Variants in YEATS2 observed in about 807,000 individuals in gnomAD.
YEATS2 encodes the protein YEATS domain containing 2, also known as YEATS domain-containing protein 2.
YEATS2 carries 77 observed loss-of-function variants against 163.2 expected under a neutral mutation model. The ratio of observed to expected loss-of-function variants is 0.47; its 90% CI spans 0.39 to 0.57. The LOEUF (loss-of-function observed/expected upper bound fraction) is 0.57. YEATS2 is among the 20% of genes least tolerant of loss of function. The probability of loss-of-function intolerance (pLI) is 0.00; values close to 1 mark genes in which losing one functional copy is unlikely to be tolerated. For synonymous variants in YEATS2, 631 were observed against 645.1 expected (o/e 0.98, Z 0.33); for missense variants, 1,549 against 1,729.8 (o/e 0.90, Z 1.85).
intron 9 of YEATS2, among the ~76,000 whole-genome samples, chr3:183,750,198 G>A (rs262953): frequency 0.72 from 109,727 of 152,132 alleles, 40,877 homozygotes; most frequent in East Asian, 0.96. Context: ...GGCTCAAGCT[G>A]TCCGCCTGCC....
At chr3:183,724,104 T>C (rs773519791) in intron 5 of YEATS2, among the ~76,000 whole-genome samples, 3 of 152,238 alleles carry the variant, frequency 2.0e-5, no homozygotes, top group Non-Finnish European at 2.9e-5. Context: ...CTTTCTCTCT[T>C]TCTATTCCTG....
intron 3 of YEATS2, 25 bp downstream of exon 3, chr3:183,717,773 A>G (rs759514214): frequency 7.2e-7 from 1 of 1,395,356 alleles, no homozygotes; most frequent in African/African-American, 1.5e-5. Context: ...AATTGAAATA[A>G]ACACCAAAGC....
chr3:183,727,800 A>G (rs1002399823), intron 6 of YEATS2, among the ~76,000 whole-genome samples: 9 of 152,202 alleles, frequency 5.9e-5, no homozygotes, highest in African/African-American at 1.9e-4. Flanking sequence ...CTTCTTGGCA[A>G]CCATGAGAGT....
intron 12 of YEATS2, among the ~76,000 whole-genome samples, chr3:183,758,366 A>AAAATAAT (rs1553872605): frequency 6.0e-5 from 9 of 151,180 alleles, no homozygotes; most frequent in Non-Finnish European, 5.9e-5. Flanking sequence ...CAGGAAAAAA[A>AAAATAAT]AATAATAATG....
At position 183,781,746 on chromosome 3, in the gene YEATS2, AAAG is replaced by A. The variant is rs1261192842; in HGVS notation, c.2736+4049_2736+4051del. Among the ~76,000 whole-genome samples the A allele has an allele frequency of 1.3e-3, 201 of 152,286 alleles. 1 individual carries two copies. The highest frequency in any genetic ancestry group is 2.8e-3 in the African/African-American group (116 of 41,574). ...CAGAACAAGACTCCGTCTCAAAAAA[AAAG>A]AAACTACCTGGGCCATGGTGGCACA... On this transcript the variant is annotated intron_variant, in intron 19 of 30. Transcript: ENST00000305135.
chr3:183,778,013 A>G (rs1420716985), intron 19 of YEATS2, among the ~76,000 whole-genome samples: 3 of 151,556 alleles, frequency 2.0e-5, no homozygotes, highest in African/African-American at 7.3e-5. Flanking sequence ...TCGGGAGGCT[A>G]AGGCAGGAGA....
intron 17 of YEATS2, 41 bp from the exon 18 acceptor site, chr3:183,775,874 G>A (rs1722935575): frequency 6.2e-7 from 1 of 1,610,014 alleles, no homozygotes; most frequent in East Asian, 2.2e-5. Context: ...AGCTTTGCTT[G>A]ATACTTTTTA....
At chr3:183,797,159 C>T (rs753867163) in intron 21 of YEATS2, among the ~76,000 whole-genome samples, 1 of 150,794 alleles carries the variant, frequency 6.6e-6, no homozygotes, top group Non-Finnish European at 1.5e-5. Flanking sequence ...ATCCCAGCTA[C>T]TTGGGAGGCC....
At chr3:183,717,224 C>T (rs1715987128) in intron 2 of YEATS2, among the ~76,000 whole-genome samples, 1 of 152,064 alleles carries the variant, frequency 6.6e-6, no homozygotes, top group Non-Finnish European at 1.5e-5. Context: ...TATTTCCCTC[C>T]CCGCAGGATC....
chr3:183,804,082 C>T lies in YEATS2; in HGVS notation c.3678C>T (p.Ile1226=), dbSNP rs200964239. The T allele has an allele frequency of 3.9e-4, 629 of 1,614,120 alleles. 7 individuals are homozygous for T. In the South Asian group the frequency reaches 6.4e-3, roughly 16 times the overall value. ...TGACTCCCCTCAAAACCAAGCACAT[C>T]GCTCACTGGTGCCGCTGTCATGGCT... ...HHLTPLKTKH[I]AHWCRCHGYT... Residue 1226 remains isoleucine, a synonymous_variant, in exon 27 of 31, where the codon ATC becomes ATT. Coordinates refer to ENST00000305135, the MANE Select transcript of YEATS2 (RefSeq NM_018023.5).
rs759511317 is a variant in YEATS2, at chr3:183,807,921, C to T, written c.4012-109C>T. The T allele has an allele frequency of 8.5e-6, 7 of 826,806 alleles. No individual in the cohort carries two copies. The African/African-American group carries it at 1.2e-4, about 14-fold the overall frequency. 51.2% of individuals were successfully genotyped at this position (826,806 alleles called of 1,614,324 possible). A position where few individuals can be genotyped will look rare whatever the true frequency, so the allele number is the denominator to read the frequency against. ...ATTTTGCCCAATATGTTTGCAGAGT[C>T]CTCCTTCCAACCAGGCATCGCTTTG... On this transcript the variant is annotated intron_variant, in intron 28 of 30. Coordinates refer to ENST00000305135, the MANE Select transcript of YEATS2 (RefSeq NM_018023.5).
chr3:183,727,746 A>G (rs528828686), intron 6 of YEATS2, among the ~76,000 whole-genome samples: 5 of 152,316 alleles, frequency 3.3e-5, no homozygotes, highest in South Asian at 2.1e-4. Context: ...GTTTAAGGGA[A>G]ATGGCACGTT....
intron 15 of YEATS2, among the ~76,000 whole-genome samples, chr3:183,767,473 TG>T (rs1480619151): frequency 6.6e-6 from 1 of 152,058 alleles, no homozygotes. Context: ...CTCCGCCTCT[TG>T]GGTTCAAGTG....
rs190478525 is a variant in YEATS2 at position 183,743,894 on chromosome 3, C to A, written c.925-3778C>A. ...CTTTCTTCTACAAATGGACCTCTTT[C>A]AAGCTTAAGCCATGCTGAAATTTCT... On this transcript the variant is annotated intron_variant, in intron 8 of 30. Transcript: ENST00000305135. 2.1e-4 allele frequency among the ~76,000 whole-genome samples: 32 copies of A among 152,138 alleles called. 1 individual carries two copies. Among genetic ancestry groups the A allele is most frequent in the Admixed American group, 1.9e-3 (29 of 15,262 alleles).
At chr3:183,752,708 CAA>C (rs1269458468) in intron 10 of YEATS2, among the ~76,000 whole-genome samples, 11 of 59,840 alleles carry the variant, frequency 1.8e-4, no homozygotes, top group Non-Finnish European at 1.4e-4. Flanking sequence ...GACTCCATCT[CAA>C]AAAAAAAAAA....
At chr3:183,740,995 G>T (rs1718894656) in intron 8 of YEATS2, among the ~76,000 whole-genome samples, 1 of 152,102 alleles carries the variant, frequency 6.6e-6, no homozygotes, top group Admixed American at 6.6e-5. Flanking sequence ...CTGAAGTATA[G>T]TGGCGTGATC....
rs371485258 is a variant in YEATS2 at position 183,717,809 on chromosome 3, G to A, written c.198+61G>A. The A allele has an allele frequency of 1.4e-3, 1,375 of 967,606 alleles. 10 individuals carry two copies. In the African/African-American group the frequency reaches 0.022, roughly 15 times the overall value. 59.9% of individuals were successfully genotyped at this position (967,606 alleles called of 1,614,324 possible). A position where few individuals can be genotyped will look rare whatever the true frequency, so the allele number is the denominator to read the frequency against. On this transcript the variant is annotated intron_variant, in intron 3 of 30. Transcript: ENST00000305135. ...TATTGAAAAAAATGTATACATGATT[G>A]AAAAATAATCTATTGAGATGGAGTC... is the stretch of plus-strand genomic sequence containing the variant.
intron 20 of YEATS2, among the ~76,000 whole-genome samples, chr3:183,789,380 C>A (rs555964946): frequency 6.6e-6 from 1 of 152,138 alleles, no homozygotes; most frequent in African/African-American, 2.4e-5. Context: ...TCCCAACTTA[C>A]CTATTTTTCT....
chr3:183,754,216 C>G lies in YEATS2; in HGVS notation c.1241C>G (p.Ser414Cys). ...LERTPTKMTT[S>C]QKVTFCSHGN... ...AGAACACCCACCAAAATGACTACAT[C>G]CCAGAAAGTTACCTTTTGTTCCCAT... The change falls in exon 11 of 31, where the codon TCC becomes TGC. Residue 414 changes from serine to cysteine, a missense_variant. Ser to Cys is a moderately radical substitution (Grantham distance 112, BLOSUM62 -1). Coordinates refer to ENST00000305135, the MANE Select transcript of YEATS2 (RefSeq NM_018023.5). The G allele has an allele frequency of 1.2e-6, 2 of 1,613,960 alleles. No individual in the cohort carries two copies. The highest frequency in any genetic ancestry group is 1.7e-6 in the Non-Finnish European group (2 of 1,179,902).
Sources: allele counts gnomAD v4.1 joint callset (sites outside exome capture counted in the v4.1 genomes callset), GRCh38; gene constraint gnomAD v4.1.1; transcripts MANE v1.5; gene names NCBI Gene and HGNC (gene_info 2026-07-23, HGNC 2026-07-21).